The following SPOP variants were observed in gnomAD, a reference collection of about 807,000 sequenced individuals.
SPOP encodes speckle type BTB/POZ protein, also known as speckle-type POZ protein.
A neutral mutation model predicts 45.6 loss-of-function variants in SPOP; 11 were observed. That is an observed-to-expected ratio of 0.24 (90% CI 0.15 to 0.40). The LOEUF (loss-of-function observed/expected upper bound fraction) is 0.40, where lower values mean the gene tolerates loss of function less well. Among genes scored for constraint, SPOP ranks in the 10% least tolerant of loss-of-function variants. SPOP has a pLI of 1.00. For synonymous variants in SPOP, 166 were observed against 166.3 expected (o/e 1.00, Z 0.01); for missense variants, 152 against 465.6 (o/e 0.33, Z 6.20).
At chr17:49,605,738 AGCACTTTGGGAG>A (rs1597904121) in intron 8 of SPOP, among the ~76,000 whole-genome samples, 1 of 151,590 alleles carries the variant, frequency 6.6e-6, no homozygotes, top group East Asian at 1.9e-4. Flanking sequence ...CTGTAATCCC[AGCACTTTGGGAG>A]GCAGAGGTGG....
chr17:49,617,923 C>CAAAAAAAAAAAAAAAAAAAAGAAAA (rs2072124131), intron 5 of SPOP, among the ~76,000 whole-genome samples: 1 of 55,884 alleles, frequency 1.8e-5, no homozygotes. Context: ...GACTCCGTCT[C>CAAAAAAAAAAAAAAAAAAAAGAAAA]AAAAAAAAAA....
chr17:49,646,136 A>G (rs2072754792), intron 1 of SPOP: 1 of 152,214 alleles, frequency 6.6e-6, no homozygotes, highest in Admixed American at 6.5e-5. Context: ...TATCATCTTT[A>G]TAACATTTAA....
intron 1 of SPOP, among the ~76,000 whole-genome samples, chr17:49,651,249 G>A (rs951178200): frequency 1.3e-5 from 2 of 152,126 alleles, no homozygotes; most frequent in Non-Finnish European, 2.9e-5. Flanking sequence ...GGGTCCAAAT[G>A]GGCCACCAAA....
At chr17:49,637,987 A>C (rs2072574177) in intron 1 of SPOP, among the ~76,000 whole-genome samples, 1 of 152,192 alleles carries the variant, frequency 6.6e-6, no homozygotes, top group African/African-American at 2.4e-5. Context: ...GGCACTATGC[A>C]GGCACACGCC....
rs2071974691 is a variant in SPOP, at chr17:49,611,608, G to GC, written c.481-152dup. On this transcript the variant is annotated intron_variant, in intron 5 of 9. Transcript: ENST00000504102. Reference sequence around the variant, plus strand: ...ACCACCTCCACAAATCAAGGCTTTAGCCCCGGATCAAGTAACTCCTTTTCT... The same window carrying GC: ...ACCACCTCCACAAATCAAGGCTTTAGCCCCCGGATCAAGTAACTCCTTTTCT... The GC allele has an allele frequency of 5.7e-6, 4 of 704,650 alleles. No homozygotes were observed. In the East Asian group the frequency reaches 1.1e-4, roughly 19 times the overall value. 43.6% of individuals were successfully genotyped at this position (704,650 alleles called of 1,614,324 possible).
chr17:49,676,600 G>A (rs1440561116), intron 1 of SPOP, among the ~76,000 whole-genome samples: 1 of 152,208 alleles, frequency 6.6e-6, no homozygotes, highest in African/African-American at 2.4e-5. Context: ...CCAGCTAGGA[G>A]ACGGGATTGG....
chr17:49,649,770 A>G (rs890204820), intron 1 of SPOP, among the ~76,000 whole-genome samples: 3 of 151,876 alleles, frequency 2.0e-5, no homozygotes, highest in South Asian at 2.1e-4. Flanking sequence ...AGGAGCTTGC[A>G]GTGAGCCGAC....
intron 2 of SPOP, chr17:49,622,441 T>C: frequency 1.9e-6 from 1 of 521,010 alleles, no homozygotes; most frequent in Non-Finnish European, 3.5e-6. Context: ...CATCTCAAAC[T>C]TGTTTCCCCA....
At chr17:49,617,923 CAAAAAAAAAAAAA>C (rs907445153) in intron 5 of SPOP, among the ~76,000 whole-genome samples, 1 of 55,884 alleles carries the variant, frequency 1.8e-5, no homozygotes, top group African/African-American at 6.3e-5. Context: ...GACTCCGTCT[CAAAAAAAAAAAAA>C]AAAAAAAGAA....
rs1437667184 is a variant in SPOP at position 49,611,432 on chromosome 17, T to C, written c.506A>G (p.Asn169Ser). 1.2e-6 allele frequency: 2 copies of C among 1,614,026 alleles called. No homozygotes were observed. The highest frequency in any genetic ancestry group is 2.2e-5 in the East Asian group (1 of 44,898). Reference sequence around the variant, plus strand: ...GTTCATGGTATTCTGGCCAGAAATGTTGACAGAATCTTGCACAACACTCAC... The same window carrying C: ...GTTCATGGTATTCTGGCCAGAAATGCTGACAGAATCTTGCACAACACTCAC... The part of the protein sequence containing the change: ...CEVSVVQDSV[N>S]ISGQNTMNMV... The change falls in exon 6 of 10, where the codon AAC (asparagine) becomes AGC (serine). Residue 169 changes from asparagine to serine, a missense_variant. By Grantham distance (46) the Asn-to-Ser change is conservative (BLOSUM62 1). This residue lies in a region of SPOP where 28 missense variants were observed against 176.8 expected (regional missense o/e 0.16). Transcript: ENST00000504102.
chr17:49,612,906 A>G (rs369044305), intron 5 of SPOP: 3 of 152,224 alleles, frequency 2.0e-5, no homozygotes, highest in African/African-American at 7.2e-5. Flanking sequence ...ACGCAGTCAT[A>G]AGCCCAGAGG....
At chr17:49,660,649 A>C (rs2143529695) in intron 1 of SPOP, among the ~76,000 whole-genome samples, 1 of 152,170 alleles carries the variant, frequency 6.6e-6, no homozygotes, top group Non-Finnish European at 1.5e-5. Context: ...ACCTAAATTT[A>C]ATCTCCCCAT....
In SPOP at chr17:49,600,135, T is replaced by G. The variant is rs200436241; in HGVS notation, c.*243A>C. 5.3e-5 allele frequency: 29 copies of G among 551,216 alleles called. No individual in the cohort carries two copies. The East Asian group carries it at 9.0e-4, about 17-fold the overall frequency. The allele number at this position is 551,216 out of a possible 1,614,324, so 34.1% of individuals were successfully genotyped here. ...GCGCCTAAACTGAATCCCCACAGTATCAAACTCAGCCAGGCCAAAGGGAAC... is the reference window on the plus strand; with the variant it reads ...GCGCCTAAACTGAATCCCCACAGTAGCAAACTCAGCCAGGCCAAAGGGAAC... On this transcript the variant is annotated 3_prime_UTR_variant, in exon 10 of 10. Transcript: ENST00000504102. The surrounding 1 kb of genome is among the most constrained non-coding windows in gnomAD (Gnocchi z 4.2).
intron 1 of SPOP, among the ~76,000 whole-genome samples, chr17:49,673,233 C>T (rs887666229): frequency 1.3e-5 from 2 of 151,882 alleles, no homozygotes; most frequent in East Asian, 1.9e-4. Flanking sequence ...CGGCTGGGCA[C>T]GGTGGCTCAC....
chr17:49,602,269 C>T, intron 8 of SPOP: 1 of 341,872 alleles, frequency 2.9e-6, no homozygotes, highest in Non-Finnish European at 5.4e-6. Context: ...ATGGCAATTA[C>T]AGGGTAGATC....
At chr17:49,644,393 C>T (rs1201014138) in intron 1 of SPOP, among the ~76,000 whole-genome samples, 3 of 151,986 alleles carry the variant, frequency 2.0e-5, no homozygotes, top group African/African-American at 7.2e-5. Flanking sequence ...AGTGTTGGAC[C>T]CAGTGGGAGA....
chr17:49,639,514 T>C (rs964842705), intron 1 of SPOP, among the ~76,000 whole-genome samples: 1 of 152,216 alleles, frequency 6.6e-6, no homozygotes, highest in Non-Finnish European at 1.5e-5. Context: ...TAAATTGTGG[T>C]ATATTCATAT....
intron 1 of SPOP, among the ~76,000 whole-genome samples, chr17:49,634,182 C>T (rs2072502384): frequency 6.6e-6 from 1 of 152,172 alleles, no homozygotes; most frequent in Non-Finnish European, 1.5e-5. Context: ...AAGAGAACAT[C>T]TTTAGAAATG....
chr17:49,665,935 C>T (rs1227108059), intron 1 of SPOP, among the ~76,000 whole-genome samples: 6 of 149,280 alleles, frequency 4.0e-5, no homozygotes, highest in Admixed American at 1.3e-4. Context: ...AGTGAGATAG[C>T]GCCACTGCAC....
Sources: allele counts gnomAD v4.1 joint callset (sites outside exome capture counted in the v4.1 genomes callset), GRCh38; gene constraint gnomAD v4.1.1; regional missense constraint gnomAD v4.1.1; non-coding constraint Gnocchi (gnomAD v3.1); transcripts MANE v1.5; gene names NCBI Gene and HGNC (gene_info 2026-07-23, HGNC 2026-07-21).